CNTN4: variants seen among roughly 807,000 people sequenced by gnomAD.
CNTN4 encodes the protein contactin 4, also known as contactin-4.
A neutral mutation model predicts 122.5 loss-of-function variants in CNTN4; 77 were observed. The ratio of observed to expected loss-of-function variants is 0.63; its 90% CI spans 0.52 to 0.76. The LOEUF is 0.76. CNTN4 is among the 30% of genes least tolerant of loss of function. The pLI is 0.00. For synonymous variants in CNTN4, 512 were observed against 447.0 expected, an observed-to-expected ratio of 1.15 and a Z score of -1.83; for missense variants, 1,256 against 1,259.1, an observed-to-expected ratio of 1.00 and a Z score of 0.04.
intron 14 of CNTN4, among the ~76,000 whole-genome samples, chr3:2,992,713 A>T (rs1415871888): frequency 6.6e-6 from 1 of 152,214 alleles, no homozygotes; most frequent in African/African-American, 2.4e-5. Context: ...AGGACTCAAA[A>T]TGTAGGGCAG....
At chr3:2,146,101 T>TATTTAC (rs1553577780) in intron 2 of CNTN4, among the ~76,000 whole-genome samples, 1 of 73,300 alleles carries the variant, frequency 1.4e-5, no homozygotes, top group African/African-American at 5.5e-5. Context: ...TTTCAATTTA[T>TATTTAC]TTTATTTTTA....
At chr3:3,034,847 C>G in intron 17 of CNTN4, 57 bp downstream of exon 17, 4 of 1,566,344 alleles carry the variant, frequency 2.6e-6, no homozygotes, top group Middle Eastern at 3.5e-4. Context: ...CTGGACACAG[C>G]ACTGTGGCAA....
At chr3:2,134,085 A>G (rs1018031787) in intron 2 of CNTN4, among the ~76,000 whole-genome samples, 10 of 152,186 alleles carry the variant, frequency 6.6e-5, no homozygotes, top group Non-Finnish European at 1.2e-4. Flanking sequence ...GGAAAAGACT[A>G]TGGAGTCAGG....
chr3:2,945,959 A>G (rs2094673179), intron 13 of CNTN4, among the ~76,000 whole-genome samples: 1 of 152,256 alleles, frequency 6.6e-6, no homozygotes, highest in South Asian at 2.1e-4. Context: ...TGTACAACTT[A>G]TAGATGCATG....
intron 2 of CNTN4, among the ~76,000 whole-genome samples, chr3:2,198,932 C>G (rs1436715608): frequency 1.3e-5 from 2 of 152,138 alleles, no homozygotes; most frequent in South Asian, 2.1e-4. Flanking sequence ...GCACAGATGA[C>G]AGCTTTTGTT....
intron 3 of CNTN4, among the ~76,000 whole-genome samples, chr3:2,404,329 A>G (rs2046956185): frequency 6.6e-6 from 1 of 152,138 alleles, no homozygotes; most frequent in South Asian, 2.1e-4. Flanking sequence ...ATTTGTTTTC[A>G]GTCTCATTCA....
chr3:2,281,220 G>T (rs557886055), intron 2 of CNTN4, among the ~76,000 whole-genome samples: 1 of 152,150 alleles, frequency 6.6e-6, no homozygotes, highest in African/African-American at 2.4e-5. Context: ...GGACAGCATT[G>T]TTGAACTCAG....
chr3:2,350,882 C>G (rs1266434859), intron 3 of CNTN4, among the ~76,000 whole-genome samples: 2 of 152,164 alleles, frequency 1.3e-5, no homozygotes, highest in African/African-American at 4.8e-5. Flanking sequence ...AGAAAACTTT[C>G]ATGTTTGAAG....
chr3:2,732,391 A>G (rs1452892598), intron 4 of CNTN4, among the ~76,000 whole-genome samples: 1 of 152,098 alleles, frequency 6.6e-6, no homozygotes, highest in Non-Finnish European at 1.5e-5. Flanking sequence ...TCTAACTCGG[A>G]GACGCATTGT....
intron 2 of CNTN4, among the ~76,000 whole-genome samples, chr3:2,245,071 G>A (rs1018421929): frequency 2.0e-5 from 3 of 151,968 alleles, no homozygotes; most frequent in African/African-American, 7.2e-5. Flanking sequence ...ATGGTTTAAT[G>A]TTAAATACCC....
intron 3 of CNTN4, among the ~76,000 whole-genome samples, chr3:2,428,660 A>G (rs527513639): frequency 1.2e-4 from 19 of 152,328 alleles, no homozygotes; most frequent in African/African-American, 4.3e-4. Context: ...AATATCCTGC[A>G]GAGTGGTTTT....
chr3:2,428,199 G>A (rs1425718294), intron 3 of CNTN4, among the ~76,000 whole-genome samples: 2 of 152,194 alleles, frequency 1.3e-5, no homozygotes, highest in African/African-American at 2.4e-5. Flanking sequence ...TGTTTTTGCA[G>A]TGGCTGGTAC....
At chr3:2,735,905 G>A in intron 4 of CNTN4, 1 of 510,148 alleles carries the variant, frequency 2.0e-6, no homozygotes. Context: ...AAAGTAAAGG[G>A]GTAGGCTAAA....
chr3:2,382,101 A>G (rs2046046563), intron 3 of CNTN4, among the ~76,000 whole-genome samples: 1 of 151,930 alleles, frequency 6.6e-6, no homozygotes, highest in Admixed American at 6.6e-5. Flanking sequence ...ACCACTCTAT[A>G]CAGCTTTATA....
At chr3:2,688,905 C>G (rs570769950) in intron 4 of CNTN4, among the ~76,000 whole-genome samples, 5 of 152,274 alleles carry the variant, frequency 3.3e-5, no homozygotes, top group African/African-American at 9.6e-5. Flanking sequence ...ATCTAGGAAC[C>G]ATTAAGCTAC....
intron 3 of CNTN4, among the ~76,000 whole-genome samples, chr3:2,450,309 G>A (rs941260040): frequency 6.6e-6 from 1 of 152,160 alleles, no homozygotes; most frequent in East Asian, 1.9e-4. Context: ...CAAGGCTGCA[G>A]TGAGCTGAGA....
At chr3:2,816,214 C>G (rs533647916) in intron 6 of CNTN4, among the ~76,000 whole-genome samples, 1 of 147,422 alleles carries the variant, frequency 6.8e-6, no homozygotes, top group Non-Finnish European at 1.5e-5. Flanking sequence ...ATTAGCCGGG[C>G]GTGGTGGCGG....
intron 3 of CNTN4, among the ~76,000 whole-genome samples, chr3:2,372,082 G>C (rs1392930878): frequency 6.6e-6 from 1 of 152,122 alleles, no homozygotes; most frequent in Non-Finnish European, 1.5e-5. Context: ...CTGGTAATAA[G>C]GGCTTATGTT....
At chr3:2,631,083 A>G (rs190516108) in intron 4 of CNTN4, among the ~76,000 whole-genome samples, 1 of 152,334 alleles carries the variant, frequency 6.6e-6, no homozygotes, top group Non-Finnish European at 1.5e-5. Context: ...TTAAGTCTTA[A>G]CAATGTTTTC....
Sources: allele counts gnomAD v4.1 joint callset (sites outside exome capture counted in the v4.1 genomes callset), GRCh38; gene constraint gnomAD v4.1.1; transcripts MANE v1.5; gene names NCBI Gene and HGNC (gene_info 2026-07-23, HGNC 2026-07-21).